The following PABPC3 variants were observed in gnomAD, a reference collection of about 807,000 sequenced individuals.
PABPC3 encodes poly(A) binding protein cytoplasmic 3, also known as polyadenylate-binding protein 3.
PABPC3 carries 43 observed loss-of-function variants against 43.0 expected under a neutral mutation model. The ratio of observed to expected loss-of-function variants is 1.00; its 90% CI spans 0.78 to 1.29. The LOEUF (loss-of-function observed/expected upper bound fraction) is 1.29, where lower values mean the gene tolerates loss of function less well. Among genes scored for constraint, PABPC3 ranks in the 50% most tolerant of loss-of-function variants. The pLI is 0.00. For missense variants in PABPC3, 784 were observed against 798.1 expected (o/e 0.98, Z 0.21); for synonymous variants, 221 against 274.6 (o/e 0.80, Z 1.93).
chr13:25,098,011 G>A lies in PABPC3; in HGVS notation c.1813G>A (p.Ala605Thr). Residue 605 changes from alanine (A) to threonine (T), a missense_variant, in exon 1 of 1, where the codon GCT becomes ACT. Coordinates refer to ENST00000281589, the MANE Select transcript of PABPC3 (RefSeq NM_030979.3). ...PESLRSKVDEAVAVLQAHQAK... is the reference protein window; with the variant it reads ...PESLRSKVDETVAVLQAHQAK... The stretch of plus-strand genomic sequence containing the variant: ...GTCACTCCGTTCTAAGGTTGATGAA[G>A]CTGTAGCTGTACTACAAGCCCACCA... 1.2e-6 allele frequency: 2 copies of A among 1,613,954 alleles called. No individual in the cohort carries two copies. Among genetic ancestry groups the A allele is most frequent in the East Asian group, 2.2e-5 (1 of 44,886 alleles).
At position 25,097,224 on chromosome 13, in the gene PABPC3, C is replaced by A. The variant is rs61738679; in HGVS notation, c.1026C>A (p.Ser342=). Residue 342 remains serine, a synonymous_variant, in exon 1 of 1, where the codon TCC becomes TCA. Coordinates refer to ENST00000281589, the MANE Select transcript of PABPC3 (RefSeq NM_030979.3). The part of the protein sequence containing the change: ...SKGFGFVCFS[S]PEEATKAVTE... ...GGTTTGGTTTTGTATGTTTCTCCTC[C>A]CCAGAAGAAGCCACTAAAGCAGTTA... is the stretch of plus-strand genomic sequence containing the variant. The A allele has an allele frequency of 1.1e-3, 1,719 of 1,614,200 alleles. 1 individual carries two copies. The African/African-American group carries it at 0.019, about 18-fold the overall frequency.
chr13:25,096,171 T>C lies in PABPC3; in HGVS notation c.-28T>C, dbSNP rs1375202384. ...CTCCTGTAACGGAAAGGTCGCGGCT[T>C]GTGTGCCTGCGGGCAGCCGTGCCGA... On this transcript the variant is annotated 5_prime_UTR_variant, in exon 1 of 1. Transcript: ENST00000281589. 1.3e-6 allele frequency: 2 copies of C among 1,595,628 alleles called. No individual in the cohort carries two copies. The highest frequency in any genetic ancestry group is 1.7e-5 in the Admixed American group (1 of 58,720).
Position 25,097,669 on chromosome 13 carries a change from G to A in PABPC3, c.1471G>A (p.Ala491Thr). 1 of 1,601,244 alleles carries A rather than the reference G, an allele frequency of 6.2e-7. No individual in the cohort carries two copies. Among genetic ancestry groups the A allele is most frequent in the Non-Finnish European group, 8.5e-7 (1 of 1,175,018 alleles). The change falls in exon 1 of 1, where the codon GCT (alanine) becomes ACT (threonine). Residue 491 changes from alanine to threonine, a missense_variant. Ala to Thr is a moderately conservative substitution (Grantham distance 58). Coordinates refer to ENST00000281589, the MANE Select transcript of PABPC3 (RefSeq NM_030979.3). ...TQTVGPRPAA[A>T]AAAAATPAVR... ...GACAGTGGGTCCACGTCCTGCAGCT[G>A]CTGCTGCTGCTGCAGCTACCCCTGC...
At chr13:25,096,240 C>A in the PABPC3 span, 7 of 1,614,112 alleles carry the variant, frequency 4.3e-6, no homozygotes, top group Non-Finnish European at 4.2e-6. Flanking sequence ...CCTCGCTCTA[C>A]GTGGGGGACC....
In PABPC3 at chr13:25,096,363, G is replaced by T. The variant is rs758193253; in HGVS notation, c.165G>T (p.Ala55=). 4.3e-6 allele frequency: 7 copies of T among 1,614,198 alleles called. 1 individual carries two copies. The South Asian group carries it at 7.7e-5, about 18-fold the overall frequency. The change falls in exon 1 of 1, where the codon GCG becomes GCT. Residue 55 remains alanine (A), a synonymous_variant. Coordinates refer to ENST00000281589, the MANE Select transcript of PABPC3 (RefSeq NM_030979.3). ...DLITSGSSNY[A]YVNFQHTKDA... Reference sequence around the variant, plus strand: ...TCACCAGCGGCTCCTCCAACTACGCGTATGTGAACTTCCAGCATACGAAGG... The same window carrying T: ...TCACCAGCGGCTCCTCCAACTACGCTTATGTGAACTTCCAGCATACGAAGG...
Position 25,096,997 on chromosome 13 carries a change from C to A in PABPC3, c.799C>A (p.Gln267Lys). 1.2e-6 allele frequency: 2 copies of A among 1,614,018 alleles called. No homozygotes were observed. Among genetic ancestry groups the A allele is most frequent in the Non-Finnish European group, 1.7e-6 (2 of 1,179,984 alleles). The change falls in exon 1 of 1, where the codon CAG becomes AAG. Residue 267 changes from glutamine (Q) to lysine (K), a missense_variant. Physicochemically the swap from Gln to Lys is moderately conservative, Grantham distance 53. Transcript: ENST00000281589. ...AAAACAAATTTACGTTGGTCGAGCT[C>A]AGAAAAAAGTGGAACGGCAGACGGA... The part of the protein sequence containing the change: ...NGKQIYVGRA[Q>K]KKVERQTELK...
In PABPC3 at chr13:25,096,143, C is replaced by G. The variant is rs1370904972; in HGVS notation, c.-56C>G. ...TACGCCCCCGGCCCCGGCACGCGCT[C>G]TACTCCTGTAACGGAAAGGTCGCGG... On this transcript the variant is annotated 5_prime_UTR_variant, in exon 1 of 1. Coordinates refer to ENST00000281589, the MANE Select transcript of PABPC3 (RefSeq NM_030979.3). 6.4e-7 allele frequency: 1 copy of G among 1,555,092 alleles called. No homozygotes were observed.
In PABPC3 at chr13:25,096,887, C is replaced by G; in HGVS notation, c.689C>G (p.Ser230Cys). 1.2e-6 allele frequency: 2 copies of G among 1,614,244 alleles called. No individual in the cohort carries two copies. The highest frequency in any genetic ancestry group is 1.3e-5 in the African/African-American group (1 of 75,084). ...VKVMTDESGK[S>C]KGFGFVSFER... is the part of the protein sequence containing the mutation. ...GTAATGACCGATGAAAGTGGAAAAT[C>G]CAAAGGATTTGGATTTGTAAGCTTT... Residue 230 changes from serine to cysteine, a missense_variant, in exon 1 of 1, where the codon TCC becomes TGC. Transcript: ENST00000281589.
rs990960706 is a variant in PABPC3 at position 25,097,856 on chromosome 13, A to G, written c.1658A>G (p.Gln553Arg). 18 of 1,614,034 alleles carry G rather than the reference A, an allele frequency of 1.1e-5. No individual in the cohort carries two copies. The highest frequency in any genetic ancestry group is 1.5e-5 in the Non-Finnish European group (18 of 1,179,874). The change falls in exon 1 of 1, where the codon CAA becomes CGA. Residue 553 changes from glutamine to arginine, a missense_variant. By Grantham distance (43) the Gln-to-Arg change is conservative (BLOSUM62 1). Transcript: ENST00000281589. ...SRLASAPPQK[Q>R]KQMLGERLFP... ...TTGGCATCTGCCCCTCCTCAAAAGC[A>G]AAAGCAAATGTTAGGTGAACGGCTC...
rs1956062605 is a variant in PABPC3, at chr13:25,098,616, TTA to T, written c.*524_*525del. On this transcript the variant is annotated 3_prime_UTR_variant, in exon 1 of 1. Coordinates refer to ENST00000281589, the MANE Select transcript of PABPC3 (RefSeq NM_030979.3). ...TAATAGTCTTTCTTTACATTTTCTA[TTA>T]TTCTATCTCCCACTATATTTCAAAT... 1 of 167,230 alleles carries T rather than the reference TTA, an allele frequency of 6.0e-6. No individual in the cohort carries two copies. Among genetic ancestry groups the T allele is most frequent in the Admixed American group, 6.5e-5 (1 of 15,300 alleles). The allele number at this position is 167,230 out of a possible 1,614,324, so 10.4% of individuals were successfully genotyped here. A position where few individuals can be genotyped will look rare whatever the true frequency, so the allele number is the denominator to read the frequency against.
At position 25,097,142 on chromosome 13, in the gene PABPC3, C is replaced by G; in HGVS notation, c.944C>G (p.Ser315Cys). The stretch of plus-strand genomic sequence containing the variant: ...GATGAACGTCTCCGGAAAGCGTTTT[C>G]TCCATTTGGTACAATCACTAGTGCA... ...IDDERLRKAFSPFGTITSAKV... is the reference protein window; with the variant it reads ...IDDERLRKAFCPFGTITSAKV... The change falls in exon 1 of 1, where the codon TCT becomes TGT. Residue 315 changes from serine to cysteine, a missense_variant. Coordinates refer to ENST00000281589, the MANE Select transcript of PABPC3 (RefSeq NM_030979.3). 2.5e-6 allele frequency: 4 copies of G among 1,613,836 alleles called. No homozygotes were observed. The highest frequency in any genetic ancestry group is 3.4e-6 in the Non-Finnish European group (4 of 1,179,990).
rs61735667 is a variant in PABPC3, at chr13:25,096,360, C to T, written c.162C>T (p.Tyr54=). Residue 54 remains tyrosine, a synonymous_variant, in exon 1 of 1, where the codon TAC becomes TAT. Coordinates refer to ENST00000281589, the MANE Select transcript of PABPC3 (RefSeq NM_030979.3). ...TGATCACCAGCGGCTCCTCCAACTA[C>T]GCGTATGTGAACTTCCAGCATACGA... ...RDLITSGSSN[Y]AYVNFQHTKD... The T allele has an allele frequency of 3.0e-3, 4,889 of 1,614,194 alleles. 140 individuals carry two copies. The African/African-American group carries it at 0.057, about 19-fold the overall frequency.
In PABPC3 at chr13:25,097,739, A is replaced by C. The variant is rs764658892; in HGVS notation, c.1541A>C (p.Asn514Thr). The stretch of plus-strand genomic sequence containing the variant: ...TATAAATATGCTGCGGGAGTTCGCA[A>C]TCCTCAGCAACATCGTAATGCACAG... ...PRYKYAAGVRNPQQHRNAQPQ... is the reference protein window; with the variant it reads ...PRYKYAAGVRTPQQHRNAQPQ... The change falls in exon 1 of 1, where the codon AAT (asparagine) becomes ACT (threonine). Residue 514 changes from asparagine to threonine, a missense_variant. Physicochemically the swap from Asn to Thr is moderately conservative, Grantham distance 65. Coordinates refer to ENST00000281589, the MANE Select transcript of PABPC3 (RefSeq NM_030979.3). 6.2e-7 allele frequency: 1 copy of C among 1,614,096 alleles called. No homozygotes were observed. Among genetic ancestry groups the C allele is most frequent in the South Asian group, 1.1e-5 (1 of 91,074 alleles).
In PABPC3 at chr13:25,097,671, T is replaced by TGCTGCTGCTGCAGCTACC. The variant is rs767831154; in HGVS notation, c.1474_1491dup (p.Ala492_Thr497dup). The TGCTGCTGCTGCAGCTACC allele has an allele frequency of 1.9e-6, 3 of 1,575,734 alleles. No homozygotes were observed. Among genetic ancestry groups the TGCTGCTGCTGCAGCTACC allele is most frequent in the South Asian group, 2.2e-5 (2 of 89,012 alleles). Reference sequence around the variant, plus strand: ...CAGTGGGTCCACGTCCTGCAGCTGCTGCTGCTGCTGCAGCTACCCCTGCTG... The same window carrying TGCTGCTGCTGCAGCTACC: ...CAGTGGGTCCACGTCCTGCAGCTGCTGCTGCTGCTGCAGCTACCGCTGCTGCTGCAGCTACCCCTGCTG... On this transcript the variant is annotated inframe_insertion, in exon 1 of 1. Coordinates refer to ENST00000281589, the MANE Select transcript of PABPC3 (RefSeq NM_030979.3).
rs1230636776 is a variant in PABPC3 at position 25,099,252 on chromosome 13, A to G, written c.*1158A>G. Reference sequence around the variant, plus strand: ...CTTTGCAATAAACTATGTATTATAGAGAGATGGTCACTATGTAATGTGGGT... The same window carrying G: ...CTTTGCAATAAACTATGTATTATAGGGAGATGGTCACTATGTAATGTGGGT... On this transcript the variant is annotated 3_prime_UTR_variant, in exon 1 of 1. Coordinates refer to ENST00000281589, the MANE Select transcript of PABPC3 (RefSeq NM_030979.3). 5 of 165,682 alleles carry G rather than the reference A, an allele frequency of 3.0e-5. No individual in the cohort carries two copies. Among genetic ancestry groups the G allele is most frequent in the African/African-American group, 1.2e-4 (5 of 41,284 alleles). 10.3% of individuals were successfully genotyped at this position (165,682 alleles called of 1,614,324 possible).
rs1396487172 is a variant in PABPC3, at chr13:25,098,819, ACAT to A, written c.*726_*728del. 6.0e-6 allele frequency: 1 copy of A among 166,884 alleles called. No homozygotes were observed. The highest frequency in any genetic ancestry group is 1.5e-5 in the Non-Finnish European group (1 of 68,074). The allele number at this position is 166,884 out of a possible 1,614,324, so 10.3% of individuals were successfully genotyped here. ...CATTATTTTTAAATAAAAAATAAAT[ACAT>A]AGTTTTAAAAATCTAATTGAACAGG... On this transcript the variant is annotated 3_prime_UTR_variant, in exon 1 of 1. Coordinates refer to ENST00000281589, the MANE Select transcript of PABPC3 (RefSeq NM_030979.3).
chr13:25,096,272 C>T lies in PABPC3; in HGVS notation c.74C>T (p.Ala25Val). The change falls in exon 1 of 1, where the codon GCG becomes GTG. Residue 25 changes from alanine to valine, a missense_variant. Physicochemically the swap from Ala to Val is moderately conservative, Grantham distance 64. Coordinates refer to ENST00000281589, the MANE Select transcript of PABPC3 (RefSeq NM_030979.3). The stretch of plus-strand genomic sequence containing the variant: ...GACCTCCACCCCGACGTGACTGAGG[C>T]GATGCTCTACGAGAAGTTCAGCCCG... The part of the protein sequence containing the change: ...VGDLHPDVTE[A>V]MLYEKFSPAG... The T allele has an allele frequency of 1.2e-6, 2 of 1,614,232 alleles. No homozygotes were observed. The highest frequency in any genetic ancestry group is 1.7e-6 in the Non-Finnish European group (2 of 1,180,048).
At position 25,096,401 on chromosome 13, in the gene PABPC3, C is replaced by T. The variant is rs1956036651; in HGVS notation, c.203C>T (p.Ala68Val). The T allele has an allele frequency of 6.2e-7, 1 of 1,614,232 alleles. No individual in the cohort carries two copies. Among genetic ancestry groups the T allele is most frequent in the Non-Finnish European group, 8.5e-7 (1 of 1,180,044 alleles). Residue 68 changes from alanine to valine, a missense_variant, in exon 1 of 1, where the codon GCT becomes GTT. Coordinates refer to ENST00000281589, the MANE Select transcript of PABPC3 (RefSeq NM_030979.3). ...NFQHTKDAEH[A>V]LDTMNFDVIK... is the part of the protein sequence containing the mutation. ...CAGCATACGAAGGACGCGGAGCATG[C>T]TCTGGACACCATGAATTTTGATGTT...
At position 25,097,632 on chromosome 13, in the gene PABPC3, C is replaced by G; in HGVS notation, c.1434C>G (p.Asn478Lys). ...TCATGTCAACGCAGCGTGTTGCTAA[C>G]ACATCAACACAGACAGTGGGTCCAC... is the stretch of plus-strand genomic sequence containing the variant. ...PRVMSTQRVA[N>K]TSTQTVGPRP... is the part of the protein sequence containing the mutation. Residue 478 changes from asparagine (N) to lysine (K), a missense_variant, in exon 1 of 1, where the codon AAC (asparagine) becomes AAG (lysine). Physicochemically the swap from Asn to Lys is moderately conservative, Grantham distance 94. Transcript: ENST00000281589. The G allele has an allele frequency of 1.9e-6, 3 of 1,614,030 alleles. No individual in the cohort carries two copies. The highest frequency in any genetic ancestry group is 2.5e-6 in the Non-Finnish European group (3 of 1,179,860).
Sources: allele counts gnomAD v4.1 joint callset, GRCh38; gene constraint gnomAD v4.1.1; transcripts MANE v1.5; gene names NCBI Gene and HGNC (gene_info 2026-07-23, HGNC 2026-07-21).